COL6A3: variants seen among roughly 807,000 people sequenced by gnomAD.
COL6A3 encodes collagen alpha-3(VI) chain.
COL6A3 carries 137 observed loss-of-function variants against 274.1 expected under a neutral mutation model. That is an observed-to-expected ratio of 0.50 (90% CI 0.44 to 0.58). The LOEUF is 0.58. Among genes scored for constraint, COL6A3 ranks in the 20% least tolerant of loss-of-function variants. The pLI, the probability that COL6A3 is intolerant of heterozygous loss-of-function variation, is 0.00. For missense variants in COL6A3, 3,950 were observed against 4,124.9 expected (o/e 0.96, Z 1.16); for synonymous variants, 1,650 against 1,650.6 (o/e 1.00, Z 0.01).
intron 1 of COL6A3, among the ~76,000 whole-genome samples, chr2:237,398,439 A>G (rs879482116): frequency 7.2e-5 from 11 of 151,992 alleles, no homozygotes; most frequent in Admixed American, 7.2e-4. Flanking sequence ...TCACTCTCCA[A>G]TCTCCAATCT....
chr2:237,359,526 C>T, intron 17 of COL6A3, 138 bp from the exon 18 acceptor site: 3 of 926,478 alleles, frequency 3.2e-6, no homozygotes, highest in South Asian at 1.3e-5. Context: ...TAGAGTCCTA[C>T]CCCTTTGGAT....
Position 237,381,000 on chromosome 2 carries a change from G to T in COL6A3, c.1812C>A (p.Ile604=). The change falls in exon 5 of 44, where the codon ATC becomes ATA. Residue 604 remains isoleucine, a synonymous_variant. Coordinates refer to ENST00000295550, the MANE Select transcript of COL6A3 (RefSeq NM_004369.4). ...EIAFDSSLVF[I]PAEFRAAPLQ... ...ATGGGGCGGCTCGGAACTCAGCTGGGATGAACACCAGGGAGGAGTCGAAAG... is the reference window on the plus strand; with the variant it reads ...ATGGGGCGGCTCGGAACTCAGCTGGTATGAACACCAGGGAGGAGTCGAAAG... The T allele has an allele frequency of 6.2e-7, 1 of 1,614,216 alleles. No individual in the cohort carries two copies. Among genetic ancestry groups the T allele is most frequent in the Non-Finnish European group, 8.5e-7 (1 of 1,180,032 alleles).
In COL6A3 at chr2:237,377,223, G is replaced by T; in HGVS notation, c.2619C>A (p.Thr873=). ...CGCTGTACTGAGCCACCGCAATTCGGGTCCCCTCTGGCTTCACATTGAGCT... is the reference window on the plus strand; with the variant it reads ...CGCTGTACTGAGCCACCGCAATTCGTGTCCCCTCTGGCTTCACATTGAGCT... The part of the protein sequence containing the change: ...IDELNVKPEG[T]RIAVAQYSDD... The change falls in exon 7 of 44, where the codon ACC becomes ACA. Residue 873 remains threonine, a synonymous_variant. Transcript: ENST00000295550. 1 of 1,613,242 alleles carries T rather than the reference G, an allele frequency of 6.2e-7. No individual in the cohort carries two copies. The highest frequency in any genetic ancestry group is 8.5e-7 in the Non-Finnish European group (1 of 1,180,028).
intron 42 of COL6A3, among the ~76,000 whole-genome samples, chr2:237,332,700 T>C (rs1201698359): frequency 1.3e-5 from 2 of 152,120 alleles, no homozygotes; most frequent in Non-Finnish European, 2.9e-5. Flanking sequence ...GGCATTTCCA[T>C]TTTTTATGTT....
Position 237,340,443 on chromosome 2 carries a change from A to G in COL6A3, c.8464+9T>C, listed in dbSNP as rs2076961600. 2 of 1,610,918 alleles carry G rather than the reference A, an allele frequency of 1.2e-6. No homozygotes were observed. Among genetic ancestry groups the G allele is most frequent in the Non-Finnish European group, 8.5e-7 (1 of 1,179,844 alleles). On this transcript the variant is annotated intron_variant, in intron 38 of 43. Coordinates refer to ENST00000295550, the MANE Select transcript of COL6A3 (RefSeq NM_004369.4). ...GGCCAGGGCACATGCTGTGCCACGC[A>G]GGACTTACTGCTGACGAAGGATGGC...
rs369379463 is a variant in COL6A3 at position 237,381,275 on chromosome 2, G to A, written c.1537C>T (p.Arg513Trp). ...GAGCCGTCCAGGGGCTTCATTTTCC[G>A]CACAGCGGTTATGACTTCCCTTTTT... ...PTKREVITAV[R>W]KMKPLDGSAL... Residue 513 changes from arginine (R) to tryptophan (W), a missense_variant, in exon 5 of 44, where the codon CGG becomes TGG. By Grantham distance (101) the Arg-to-Trp change is moderately radical. Coordinates refer to ENST00000295550, the MANE Select transcript of COL6A3 (RefSeq NM_004369.4). 28 of 1,614,116 alleles carry A rather than the reference G, an allele frequency of 1.7e-5. No homozygotes were observed. The highest frequency in any genetic ancestry group is 5.0e-5 in the Admixed American group (3 of 60,014).
Position 237,324,801 on chromosome 2 carries a change from G to C in COL6A3, c.9507C>G (p.Pro3169=), listed in dbSNP as rs776342807. 1 of 1,613,656 alleles carries C rather than the reference G, an allele frequency of 6.2e-7. No individual in the cohort carries two copies. Among genetic ancestry groups the C allele is most frequent in the South Asian group, 1.1e-5 (1 of 91,074 alleles). ...EKVCAPVLAK[P]GVISVMGT is the part of the protein sequence containing the mutation. ...AGGTTCCCATCACACTGATGACTCC[G>C]GGTTTGGCGAGCACTGAGCGTCGAG... The change falls in exon 44 of 44, where the codon CCC becomes CCG. Residue 3169 remains proline, a synonymous_variant. Transcript: ENST00000295550.
chr2:237,368,912 G>T lies in COL6A3; in HGVS notation c.4551C>A (p.Gly1517=), dbSNP rs1189341125. The part of the protein sequence containing the change: ...RLRGGSPLNT[G]KALEFVARNL... ...TTCTTGCCACAAATTCGAGAGCCTT[G>T]CCAGTGTTCAGTGGGGACCCCCCTC... The change falls in exon 10 of 44, where the codon GGC becomes GGA. Residue 1517 remains glycine, a synonymous_variant. Transcript: ENST00000295550. The surrounding 1 kb of genome is among the most constrained non-coding windows in gnomAD (Gnocchi z 4.4). 2 of 1,614,202 alleles carry T rather than the reference G, an allele frequency of 1.2e-6. No homozygotes were observed. The highest frequency in any genetic ancestry group is 1.1e-5 in the South Asian group (1 of 91,070).
chr2:237,371,922 G>C lies in COL6A3; in HGVS notation c.4095C>G (p.Ala1365=), dbSNP rs2106357035. 6.2e-7 allele frequency: 1 copy of C among 1,613,944 alleles called. No homozygotes were observed. Among genetic ancestry groups the C allele is most frequent in the Non-Finnish European group, 8.5e-7 (1 of 1,180,006 alleles). ...CTGCGTTCCTGGCGATCGTGAAAGGGGCCACGCCAAACTGCTTGAGCTCCA... is the reference window on the plus strand; with the variant it reads ...CTGCGTTCCTGGCGATCGTGAAAGGCGCCACGCCAAACTGCTTGAGCTCCA... ...PAVELKQFGV[A]PFTIARNADQ... is the part of the protein sequence containing the mutation. The change falls in exon 9 of 44, where the codon GCC becomes GCG. Residue 1365 remains alanine, a synonymous_variant. Transcript: ENST00000295550. The surrounding 1 kb of genome is among the most constrained non-coding windows in gnomAD (Gnocchi z 4.3).
chr2:237,379,351 G>T, intron 5 of COL6A3, 116 bp from the exon 6 acceptor site: 2 of 1,258,072 alleles, frequency 1.6e-6, no homozygotes, highest in Non-Finnish European at 2.3e-6. Context: ...AAGTCAGCAT[G>T]GCAAAGCATG....
chr2:237,358,942 G>A (rs766720594), intron 20 of COL6A3, 93 bp downstream of exon 20: 57 of 1,419,330 alleles, frequency 4.0e-5, no homozygotes, highest in South Asian at 8.1e-5. Flanking sequence ...TGGAGGAAGC[G>A]GGCTTGATGT....
At chr2:237,404,226 CAA>C (rs1316128537) in intron 1 of COL6A3, among the ~76,000 whole-genome samples, 1 of 151,922 alleles carries the variant, frequency 6.6e-6, no homozygotes, top group Non-Finnish European at 1.5e-5. Context: ...TCAACAGATT[CAA>C]AGAGTCTATG....
At chr2:237,362,724 A>G (rs1295629616) in intron 14 of COL6A3, among the ~76,000 whole-genome samples, 1 of 152,150 alleles carries the variant, frequency 6.6e-6, no homozygotes. Flanking sequence ...CCCAGTCTAA[A>G]CCCAGGAGGT....
chr2:237,377,280 A>T lies in COL6A3; in HGVS notation c.2562T>A (p.Val854=). The part of the protein sequence containing the change: ...GSANLVGQFP[V]VRDFLYKIID... ...TAATCTTGTAGAGAAAGTCACGGACAACAGGGAACTGGCCCACAAGATTGG... is the reference window on the plus strand; with the variant it reads ...TAATCTTGTAGAGAAAGTCACGGACTACAGGGAACTGGCCCACAAGATTGG... The change falls in exon 7 of 44, where the codon GTT becomes GTA. Residue 854 remains valine, a synonymous_variant. Coordinates refer to ENST00000295550, the MANE Select transcript of COL6A3 (RefSeq NM_004369.4). The T allele has an allele frequency of 1.2e-6, 2 of 1,605,462 alleles. No homozygotes were observed. The highest frequency in any genetic ancestry group is 1.7e-6 in the Non-Finnish European group (2 of 1,179,982).
Position 237,344,570 on chromosome 2 carries a change from T to C in COL6A3, c.7448A>G (p.Lys2483Arg). 6.2e-7 allele frequency: 1 copy of C among 1,614,190 alleles called. No homozygotes were observed. The highest frequency in any genetic ancestry group is 1.1e-5 in the South Asian group (1 of 91,084). Residue 2483 changes from lysine (K) to arginine (R), a missense_variant, in exon 36 of 44, where the codon AAA becomes AGA. Lys to Arg is a conservative substitution (Grantham distance 26). Coordinates refer to ENST00000295550, the MANE Select transcript of COL6A3 (RefSeq NM_004369.4). This position sits in a 1 kb window ranked among gnomAD's most constrained non-coding sequence, Gnocchi z 4.8. Reference protein sequence around the residue: ...IKNLQVALTSKQQSLETAMSF... With the variant: ...IKNLQVALTSRQQSLETAMSF... ...CATGGCAGTCTCCAGACTCTGCTGT[T>C]TGGATGTCAGAGCCACCTGAAGGTT...
At position 237,344,879 on chromosome 2, in the gene COL6A3, C is replaced by T. The variant is rs753884510; in HGVS notation, c.7175-36G>A. 12 of 1,614,008 alleles carry T rather than the reference C, an allele frequency of 7.4e-6. No individual in the cohort carries two copies. Among genetic ancestry groups the T allele is most frequent in the Non-Finnish European group, 8.5e-6 (10 of 1,180,038 alleles). On this transcript the variant is annotated intron_variant, in intron 35 of 43. Transcript: ENST00000295550. The surrounding 1 kb of genome is among the most constrained non-coding windows in gnomAD (Gnocchi z 4.8). ...TAGAGGGTGGAGGGTTAAAGACAAACTGTACTTACTACAAAAGGGAGGCTT... is the reference window on the plus strand; with the variant it reads ...TAGAGGGTGGAGGGTTAAAGACAAATTGTACTTACTACAAAAGGGAGGCTT...
At position 237,336,320 on chromosome 2, in the gene COL6A3, A is replaced by G. The variant is rs6728818; in HGVS notation, c.8780T>C (p.Met2927Thr). Residue 2927 changes from methionine (M) to threonine (T), a missense_variant, in exon 40 of 44, where the codon ATG (methionine) becomes ACG (threonine). This residue lies in a region of COL6A3 where 1,284 missense variants were observed against 1,349.7 expected (regional missense o/e 0.95). Coordinates refer to ENST00000295550, the MANE Select transcript of COL6A3 (RefSeq NM_004369.4). ...CGCCACTGGGGGTCTAACAGTGGCC[A>G]TCTTTGTGGCCACAGGCTTGGCAGC... ...PVAAKPVATK[M>T]ATVRPPVAVK... is the part of the protein sequence containing the mutation. The G allele has an allele frequency of 0.64, 1,033,628 of 1,613,978 alleles. 333,844 individuals are homozygous for G. Among genetic ancestry groups the G allele is most frequent in the African/African-American group, 0.78 (58,691 of 75,002 alleles).
At chr2:237,350,235 C>A in intron 27 of COL6A3, 26 bp from the exon 28 acceptor site, 1 of 1,612,984 alleles carries the variant, frequency 6.2e-7, no homozygotes, top group Non-Finnish European at 8.5e-7. Flanking sequence ...ATGGCTGAGA[C>A]CCTGTGGCCT....
chr2:237,366,120 G>T, intron 11 of COL6A3, 85 bp from the exon 12 acceptor site: 1 of 1,219,376 alleles, frequency 8.2e-7, no homozygotes, highest in Non-Finnish European at 1.2e-6. Flanking sequence ...GGACAACCCA[G>T]GCAGAGGACC....
Sources: allele counts gnomAD v4.1 joint callset (sites outside exome capture counted in the v4.1 genomes callset), GRCh38; gene constraint gnomAD v4.1.1; regional missense constraint gnomAD v4.1.1; non-coding constraint Gnocchi (gnomAD v3.1); transcripts MANE v1.5; gene names NCBI Gene and HGNC (gene_info 2026-07-23, HGNC 2026-07-21).